CCDC90B: variants seen among roughly 807,000 people sequenced by gnomAD.
The protein encoded by CCDC90B is coiled-coil domain containing 90B.
In CCDC90B, 24 loss-of-function variants were observed where a neutral mutation model predicts 37.0. The observed-to-expected ratio is 0.65, with a 90% CI of 0.47 to 0.91. The LOEUF (loss-of-function observed/expected upper bound fraction) is 0.91, where lower values mean the gene tolerates loss of function less well. CCDC90B is among the 40% of genes least tolerant of loss of function. The pLI is 0.00. For synonymous variants in CCDC90B, 113 were observed against 101.1 expected, an observed-to-expected ratio of 1.12 and a Z score of -0.71; for missense variants, 319 against 299.0, an observed-to-expected ratio of 1.07 and a Z score of -0.49.
intron 3 of CCDC90B, among the ~76,000 whole-genome samples, 187 bp downstream of exon 3, chr11:83,278,539 T>C (rs1865178767): frequency 6.6e-6 from 1 of 152,250 alleles, no homozygotes; most frequent in Non-Finnish European, 1.5e-5. Flanking sequence ...ACCACAATAT[T>C]ATTACAACTA....
At chr11:83,269,432 A>G (rs1180888328) in intron 7 of CCDC90B, among the ~76,000 whole-genome samples, 1 of 152,176 alleles carries the variant, frequency 6.6e-6, no homozygotes, top group Non-Finnish European at 1.5e-5. Flanking sequence ...AAAGAAGAAA[A>G]GAGAGAAGAA....
intron 3 of CCDC90B, among the ~76,000 whole-genome samples, chr11:83,275,122 A>G (rs1200908532): frequency 1.3e-5 from 2 of 152,152 alleles, no homozygotes; most frequent in African/African-American, 4.8e-5. Flanking sequence ...GGAAAATTCC[A>G]TGGTATTGGA....
intron 7 of CCDC90B, among the ~76,000 whole-genome samples, chr11:83,272,091 A>G (rs1056902174): frequency 6.6e-6 from 1 of 152,154 alleles, no homozygotes; most frequent in Non-Finnish European, 1.5e-5. Flanking sequence ...CAGAAACATC[A>G]CACACTGGGG....
intron 3 of CCDC90B, among the ~76,000 whole-genome samples, chr11:83,276,499 C>T (rs1375947349): frequency 6.6e-6 from 1 of 152,104 alleles, no homozygotes; most frequent in East Asian, 1.9e-4. Context: ...ATGCACCCAC[C>T]ATCATGCCTG....
At chr11:83,266,532 G>A (rs913296190) in intron 7 of CCDC90B, among the ~76,000 whole-genome samples, 2 of 152,254 alleles carry the variant, frequency 1.3e-5, no homozygotes, top group African/African-American at 2.4e-5. Flanking sequence ...CGAACTGTGA[G>A]GCAGCAGACT....
chr11:83,269,457 C>A lies in CCDC90B; in HGVS notation c.595-3478G>T, dbSNP rs676769. The stretch of plus-strand genomic sequence containing the variant: ...AGAGAGAAGAATCAAATAGATGCAA[C>A]AAAAAATGATAAAGGGGATATCACC... On this transcript the variant is annotated intron_variant, in intron 7 of 8. Coordinates refer to ENST00000529689, the MANE Select transcript of CCDC90B (RefSeq NM_021825.5). Among the ~76,000 whole-genome samples, 8 of 151,946 alleles carry A rather than the reference C, an allele frequency of 5.3e-5. No individual in the cohort carries two copies. In the South Asian group the frequency reaches 1.7e-3, roughly 32 times the overall value.
chr11:83,270,335 C>G (rs1331163098), intron 7 of CCDC90B, among the ~76,000 whole-genome samples: 1 of 152,110 alleles, frequency 6.6e-6, no homozygotes, highest in Non-Finnish European at 1.5e-5. Flanking sequence ...AAAGGGTATT[C>G]AATTAGGAAG....
chr11:83,267,928 A>G (rs1591035492), intron 7 of CCDC90B, among the ~76,000 whole-genome samples: 2 of 152,350 alleles, frequency 1.3e-5, no homozygotes. Flanking sequence ...AAACCCTACA[A>G]GCCAGAAGAG....
intron 1 of CCDC90B, chr11:83,285,091 C>T: frequency 8.6e-7 from 1 of 1,159,064 alleles, no homozygotes; most frequent in Non-Finnish European, 1.1e-6. Flanking sequence ...TAAATAACAG[C>T]GTAGAAGTGT....
chr11:83,286,040 G>A lies in CCDC90B; in HGVS notation c.-68C>T. The A allele has an allele frequency of 6.4e-7, 1 of 1,552,252 alleles. No homozygotes were observed. The highest frequency in any genetic ancestry group is 8.7e-7 in the Non-Finnish European group (1 of 1,150,014). On this transcript the variant is annotated 5_prime_UTR_variant, in exon 1 of 9. Transcript: ENST00000529689. ...AAATCTCGCACAGGCTTTCGGGCAA[G>A]GTAGTTCTGGCACCACAGGAATGCT... is the stretch of plus-strand genomic sequence containing the variant.
In CCDC90B at chr11:83,286,021, C is replaced by T; in HGVS notation, c.-49G>A. The T allele has an allele frequency of 1.9e-6, 3 of 1,570,542 alleles. No individual in the cohort carries two copies. The highest frequency in any genetic ancestry group is 1.2e-5 in the South Asian group (1 of 86,038). On this transcript the variant is annotated 5_prime_UTR_variant, in exon 1 of 9. Coordinates refer to ENST00000529689, the MANE Select transcript of CCDC90B (RefSeq NM_021825.5). ...GGGAGGCGGAAGACGGGGTAAATCT[C>T]GCACAGGCTTTCGGGCAAGGTAGTT...
At chr11:83,285,266 T>C in intron 1 of CCDC90B, 1 of 1,277,514 alleles carries the variant, frequency 7.8e-7, no homozygotes, top group Non-Finnish European at 1.0e-6. Context: ...AACAAAAACC[T>C]AGCCCTAGAA....
chr11:83,285,993 G>A lies in CCDC90B; in HGVS notation c.-21C>T, dbSNP rs1473235481. The stretch of plus-strand genomic sequence containing the variant: ...TTCATGTCCTCAGAGTTTTCCGGTG[G>A]GAGGGAGGCGGAAGACGGGGTAAAT... On this transcript the variant is annotated 5_prime_UTR_variant, in exon 1 of 9. Transcript: ENST00000529689. The A allele has an allele frequency of 6.3e-7, 1 of 1,596,810 alleles. No homozygotes were observed. The highest frequency in any genetic ancestry group is 8.5e-7 in the Non-Finnish European group (1 of 1,171,538).
intron 7 of CCDC90B, among the ~76,000 whole-genome samples, chr11:83,271,460 G>T (rs1247909848): frequency 1.3e-5 from 2 of 152,194 alleles, no homozygotes; most frequent in Non-Finnish European, 2.9e-5. Context: ...CAAAGGATAT[G>T]AACAGACGCT....
intron 1 of CCDC90B, among the ~76,000 whole-genome samples, chr11:83,282,098 T>C (rs1007657729): frequency 6.6e-6 from 1 of 152,150 alleles, no homozygotes; most frequent in African/African-American, 2.4e-5. Context: ...TAATAAAGTG[T>C]TGAATATTTC....
At chr11:83,281,681 A>G (rs1302933395) in intron 1 of CCDC90B, among the ~76,000 whole-genome samples, 1 of 152,176 alleles carries the variant, frequency 6.6e-6, no homozygotes, top group Non-Finnish European at 1.5e-5. Flanking sequence ...ATTAGAGGAA[A>G]AAGGGGCAGA....
At chr11:83,275,513 A>C (rs1472686497) in intron 3 of CCDC90B, among the ~76,000 whole-genome samples, 1 of 125,970 alleles carries the variant, frequency 7.9e-6, no homozygotes, top group Non-Finnish European at 1.7e-5. Flanking sequence ...TGTATTGCAA[A>C]TATTCCAAAA....
At chr11:83,265,507 A>G (rs1864202190) in intron 8 of CCDC90B, among the ~76,000 whole-genome samples, 3 of 151,784 alleles carry the variant, frequency 2.0e-5, no homozygotes, top group South Asian at 2.1e-4. Context: ...TGCTTTTTCT[A>G]TTAGTCAGCT....
intron 8 of CCDC90B, 39 bp from the exon 9 acceptor site, chr11:83,262,005 GTAATTATT>G (rs1565205272): frequency 7.3e-7 from 1 of 1,366,166 alleles, no homozygotes; most frequent in Non-Finnish European, 1.0e-6. Flanking sequence ...TCTTGTATCT[GTAATTATT>G]TTGCAGAGAT....
Sources: allele counts gnomAD v4.1 joint callset (sites outside exome capture counted in the v4.1 genomes callset), GRCh38; gene constraint gnomAD v4.1.1; transcripts MANE v1.5; gene names NCBI Gene and HGNC (gene_info 2026-07-23, HGNC 2026-07-21).